PTPRD: variants seen among roughly 807,000 people sequenced by gnomAD.
The protein encoded by PTPRD is protein tyrosine phosphatase receptor type D.
A neutral mutation model predicts 214.5 loss-of-function variants in PTPRD; 34 were observed. The ratio of observed to expected loss-of-function variants is 0.16; its 90% CI spans 0.12 to 0.21. The LOEUF is 0.21. Among genes scored for constraint, PTPRD ranks in the 10% least tolerant of loss-of-function variants. The pLI is 1.00. For missense variants in PTPRD, 2,545 were observed against 2,398.7 expected, an observed-to-expected ratio of 1.06 and a Z score of -1.27; for synonymous variants, 1,128 against 845.7, an observed-to-expected ratio of 1.33 and a Z score of -5.79.
chr9:9,286,358 TA>T (rs972476751), intron 9 of PTPRD, among the ~76,000 whole-genome samples: 1 of 151,834 alleles, frequency 6.6e-6, no homozygotes, highest in African/African-American at 2.4e-5. Flanking sequence ...CAGCAAAGAC[TA>T]AACCTCCTAG....
At chr9:10,468,216 G>A (rs1247855002) in intron 2 of PTPRD, among the ~76,000 whole-genome samples, 2 of 152,096 alleles carry the variant, frequency 1.3e-5, no homozygotes, top group Non-Finnish European at 2.9e-5. Flanking sequence ...GTTTATTGCA[G>A]TACAATTCAC....
intron 3 of PTPRD, among the ~76,000 whole-genome samples, chr9:10,304,187 G>A (rs1028755150): frequency 6.6e-6 from 1 of 152,110 alleles, no homozygotes; most frequent in Non-Finnish European, 1.5e-5. Context: ...AATAAATGCA[G>A]AAAAGGCTTC....
At chr9:10,372,198 T>G (rs552594882) in intron 2 of PTPRD, among the ~76,000 whole-genome samples, 4 of 152,250 alleles carry the variant, frequency 2.6e-5, no homozygotes, top group African/African-American at 9.6e-5. Flanking sequence ...ATAACTGCTT[T>G]ATTACAATGA....
At chr9:8,763,020 A>G (rs2094502833) in intron 11 of PTPRD, among the ~76,000 whole-genome samples, 1 of 152,174 alleles carries the variant, frequency 6.6e-6, no homozygotes, top group Non-Finnish European at 1.5e-5. Context: ...AACCAACCTG[A>G]GCATTCAGGT....
chr9:9,971,107 T>G (rs1485873649), intron 4 of PTPRD, among the ~76,000 whole-genome samples: 1 of 152,136 alleles, frequency 6.6e-6, no homozygotes, highest in African/African-American at 2.4e-5. Context: ...CTAAAGAACT[T>G]TTATAAATTC....
chr9:9,017,418 T>C (rs530418291), intron 11 of PTPRD, among the ~76,000 whole-genome samples: 9 of 152,274 alleles, frequency 5.9e-5, no homozygotes, highest in Non-Finnish European at 1.3e-4. Context: ...ACAGGATAAC[T>C]ACAGGGTAAT....
Position 9,023,713 on chromosome 9 carries a change from A to C in PTPRD, c.-142-4978T>G, listed in dbSNP as rs1184434881. On this transcript the variant is annotated intron_variant, in intron 10 of 45. Transcript: ENST00000381196. ...GTCTATTACTCCCATGTTCATGTCC[A>C]TGTGTGCTCAATATTTAGCTCCACT... Among the ~76,000 whole-genome samples, 5 of 151,914 alleles carry C rather than the reference A, an allele frequency of 3.3e-5. No individual in the cohort carries two copies. The East Asian group carries it at 9.7e-4, about 30-fold the overall frequency.
At chr9:10,190,634 C>T (rs1260310935) in intron 3 of PTPRD, among the ~76,000 whole-genome samples, 3 of 140,862 alleles carry the variant, frequency 2.1e-5, no homozygotes, top group African/African-American at 7.9e-5. Flanking sequence ...AGGATAATTG[C>T]TTGAACCTGG....
At chr9:8,870,919 AT>A (rs973597743) in intron 11 of PTPRD, among the ~76,000 whole-genome samples, 1 of 152,196 alleles carries the variant, frequency 6.6e-6, no homozygotes, top group Admixed American at 6.6e-5. Flanking sequence ...AGTTTGCCGT[AT>A]CCTTGGGCAT....
chr9:9,682,411 T>C (rs1316903153), intron 7 of PTPRD, among the ~76,000 whole-genome samples: 1 of 151,754 alleles, frequency 6.6e-6, no homozygotes, highest in Non-Finnish European at 1.5e-5. Context: ...AGTCAGGAGG[T>C]GATTCTGGCT....
chr9:8,492,015 T>C (rs1212912666), intron 27 of PTPRD, among the ~76,000 whole-genome samples: 3 of 152,204 alleles, frequency 2.0e-5, no homozygotes, highest in South Asian at 4.1e-4. Context: ...CAGATTTTCC[T>C]TCATGCTGGC....
At chr9:9,948,990 T>C (rs570998740) in intron 4 of PTPRD, among the ~76,000 whole-genome samples, 1 of 151,586 alleles carries the variant, frequency 6.6e-6, no homozygotes, top group African/African-American at 2.4e-5. Context: ...AATGTCAGCA[T>C]GGGGGGGCCT....
At chr9:9,634,279 G>A (rs2095685047) in intron 7 of PTPRD, among the ~76,000 whole-genome samples, 1 of 152,130 alleles carries the variant, frequency 6.6e-6, no homozygotes, top group African/African-American at 2.4e-5. Flanking sequence ...CTAATGTGGA[G>A]TCTGGTAAAT....
chr9:8,616,666 A>T (rs927273439), intron 14 of PTPRD, among the ~76,000 whole-genome samples: 2 of 152,140 alleles, frequency 1.3e-5, no homozygotes, highest in Non-Finnish European at 2.9e-5. Flanking sequence ...TCTTATTCAT[A>T]AAGTTGAAAG....
rs188905940 is a variant in PTPRD, at chr9:10,315,797, G to T, written c.-545+25166C>A. Among the ~76,000 whole-genome samples, 10 of 151,942 alleles carry T rather than the reference G, an allele frequency of 6.6e-5. No individual in the cohort carries two copies. The East Asian group carries it at 1.8e-3, about 27-fold the overall frequency. ...TCCTTTGGCAGCCTCTACCAATTTTGCACTCAAGCTGGTTGATCCCCAGAG... is the reference window on the plus strand; with the variant it reads ...TCCTTTGGCAGCCTCTACCAATTTTTCACTCAAGCTGGTTGATCCCCAGAG... On this transcript the variant is annotated intron_variant, in intron 3 of 45. Transcript: ENST00000381196.
chr9:8,560,380 A>G (rs1259539184), intron 14 of PTPRD, among the ~76,000 whole-genome samples: 1 of 151,950 alleles, frequency 6.6e-6, no homozygotes, highest in Non-Finnish European at 1.5e-5. Context: ...GAAGAAAACA[A>G]TACAGGTAAT....
chr9:8,970,842 T>A (rs2099233417), intron 11 of PTPRD, among the ~76,000 whole-genome samples: 1 of 151,684 alleles, frequency 6.6e-6, no homozygotes. Context: ...AGGTAGCTCA[T>A]CTGAAGACAT....
chr9:9,629,238 G>GTATATATATA lies in PTPRD; in HGVS notation c.-286-54467_-286-54458dup, dbSNP rs113482595. Among the ~76,000 whole-genome samples the GTATATATATA allele has an allele frequency of 1.6e-3, 226 of 140,394 alleles. 1 individual carries two copies. The highest frequency in any genetic ancestry group is 6.2e-3 in the African/African-American group (221 of 35,554). 92.1% of individuals were successfully genotyped at this position (140,394 alleles called of 152,430 possible). ...TGGGGAGATATATATGTGTGTGTGT[G>GTATATATATA]TATATATATATATATATATGAACAC... On this transcript the variant is annotated intron_variant, in intron 7 of 45. Coordinates refer to ENST00000381196, the MANE Select transcript of PTPRD (RefSeq NM_002839.4).
intron 3 of PTPRD, among the ~76,000 whole-genome samples, chr9:10,338,335 G>A (rs981605161): frequency 6.6e-6 from 1 of 151,622 alleles, no homozygotes. Context: ...ACAGTTGCCT[G>A]AAATTTAATG....
Sources: allele counts gnomAD v4.1 joint callset (sites outside exome capture counted in the v4.1 genomes callset), GRCh38; gene constraint gnomAD v4.1.1; transcripts MANE v1.5; gene names NCBI Gene and HGNC (gene_info 2026-07-23, HGNC 2026-07-21).